Variants in TSPAN14 observed in about 807,000 individuals in gnomAD.
TSPAN14 encodes tetraspanin-14.
In TSPAN14, 16 loss-of-function variants were observed where a neutral mutation model predicts 36.6. That is an observed-to-expected ratio of 0.44 (90% CI 0.30 to 0.66). The LOEUF is 0.66. Ranked by LOEUF, TSPAN14 falls within the 30% of genes least tolerant of loss-of-function variation. The probability of loss-of-function intolerance (pLI) is 0.12; values close to 1 mark genes in which losing one functional copy is unlikely to be tolerated. For synonymous variants in TSPAN14, 139 were observed against 143.8 expected (o/e 0.97, Z 0.24); for missense variants, 231 against 355.1 (o/e 0.65, Z 2.81).
intron 2 of TSPAN14, among the ~76,000 whole-genome samples, chr10:80,492,621 C>T (rs894917084): frequency 3.3e-5 from 5 of 152,136 alleles, no homozygotes; most frequent in African/African-American, 1.2e-4. Flanking sequence ...TCAAGACCAT[C>T]CTGGCTAACA....
rs1840466881 is a variant in TSPAN14, at chr10:80,509,156, G to C, written c.280-145G>C. 1.4e-6 allele frequency: 1 copy of C among 715,106 alleles called. No homozygotes were observed. The highest frequency in any genetic ancestry group is 2.3e-6 in the Non-Finnish European group (1 of 433,434). The allele number at this position is 715,106 out of a possible 1,614,324, so 44.3% of individuals were successfully genotyped here. A position where few individuals can be genotyped will look rare whatever the true frequency, so the allele number is the denominator to read the frequency against. On this transcript the variant is annotated intron_variant, in intron 4 of 8. Transcript: ENST00000429989. This position sits in a 1 kb window ranked among gnomAD's most constrained non-coding sequence, Gnocchi z 4.7. ...GAGTCACCCAGCTAACTCTAAGTGTGGGGTTCTGGGGCCCCGATGTGGGAC... is the reference window on the plus strand; with the variant it reads ...GAGTCACCCAGCTAACTCTAAGTGTCGGGTTCTGGGGCCCCGATGTGGGAC...
At chr10:80,478,186 A>G (rs1847032959) in intron 1 of TSPAN14, among the ~76,000 whole-genome samples, 1 of 152,272 alleles carries the variant, frequency 6.6e-6, no homozygotes. Context: ...AAATAAGAAC[A>G]GGATACAATA....
intron 1 of TSPAN14, among the ~76,000 whole-genome samples, chr10:80,470,461 A>G (rs1846482009): frequency 6.6e-6 from 1 of 152,252 alleles, no homozygotes; most frequent in Non-Finnish European, 1.5e-5. Flanking sequence ...AGTATATTCT[A>G]GCTGACTGTG....
At chr10:80,511,772 C>T (rs1840663847) in intron 5 of TSPAN14, among the ~76,000 whole-genome samples, 1 of 123,802 alleles carries the variant, frequency 8.1e-6, no homozygotes, top group Admixed American at 9.0e-5. Flanking sequence ...CTCTCTCTCT[C>T]CCCTTTTTTC....
At chr10:80,462,563 G>A (rs1846036029) in intron 1 of TSPAN14, among the ~76,000 whole-genome samples, 1 of 152,186 alleles carries the variant, frequency 6.6e-6, no homozygotes, top group Non-Finnish European at 1.5e-5. Context: ...TCACTTGGAG[G>A]AAGTATATCA....
At chr10:80,474,022 C>T (rs1846713010) in intron 1 of TSPAN14, among the ~76,000 whole-genome samples, 1 of 152,118 alleles carries the variant, frequency 6.6e-6, no homozygotes, top group South Asian at 2.1e-4. Context: ...CTGGGCCTGC[C>T]TGTTCCTTTG....
chr10:80,486,947 TG>T (rs1847636318), intron 1 of TSPAN14, among the ~76,000 whole-genome samples: 1 of 151,974 alleles, frequency 6.6e-6, no homozygotes, highest in African/African-American at 2.4e-5. Context: ...ATTGGCTGGG[TG>T]TGGTGGCTCA....
intron 1 of TSPAN14, among the ~76,000 whole-genome samples, chr10:80,469,796 C>A (rs1269398858): frequency 6.6e-6 from 1 of 152,030 alleles, no homozygotes; most frequent in Admixed American, 6.5e-5. Flanking sequence ...ATCTTTTTCC[C>A]CCAGGCTGGG....
At chr10:80,468,811 C>G (rs942533892) in intron 1 of TSPAN14, 1 of 150,136 alleles carries the variant, frequency 6.7e-6, no homozygotes. Flanking sequence ...TGGGTTCAAG[C>G]GATCTGCCAA....
rs1342891238 is a variant in TSPAN14, at chr10:80,520,353, A to G, written c.*2377A>G. The G allele has an allele frequency of 8.2e-6, 3 of 366,386 alleles. No homozygotes were observed. The East Asian group carries it at 2.1e-4, about 25-fold the overall frequency. The allele number at this position is 366,386 out of a possible 1,614,324, so 22.7% of individuals were successfully genotyped here. The stretch of plus-strand genomic sequence containing the variant: ...GTGACTCTGAATAGTTGGATGAGGA[A>G]TGGAAAGAAAGCAAGGATGAGAGCC... On this transcript the variant is annotated 3_prime_UTR_variant, in exon 9 of 9. Coordinates refer to ENST00000429989, the Ensembl canonical transcript of TSPAN14.
At chr10:80,516,459 A>C in intron 8 of TSPAN14, 136 bp downstream of exon 8, 1 of 1,300,882 alleles carries the variant, frequency 7.7e-7, no homozygotes, top group Middle Eastern at 2.7e-4. Context: ...ATTCAACTGG[A>C]TGTCCAAGGC....
intron 2 of TSPAN14, among the ~76,000 whole-genome samples, chr10:80,494,566 T>C (rs1242684037): frequency 1.3e-5 from 2 of 152,184 alleles, no homozygotes; most frequent in Non-Finnish European, 2.9e-5. Context: ...CTCTGACTTT[T>C]ATTATGCTCC....
chr10:80,496,145 C>T (rs1246839765), intron 2 of TSPAN14, among the ~76,000 whole-genome samples: 1 of 152,104 alleles, frequency 6.6e-6, no homozygotes, highest in Non-Finnish European at 1.5e-5. Flanking sequence ...GTGTATAGTT[C>T]ATTGGCGTTA....
chr10:80,488,729 G>A (rs973226859), intron 1 of TSPAN14, among the ~76,000 whole-genome samples: 7 of 152,152 alleles, frequency 4.6e-5, no homozygotes, highest in Non-Finnish European at 5.9e-5. Context: ...CCCAAACATG[G>A]CTCTTTGTGG....
At chr10:80,506,246 T>G (rs1456266204) in intron 3 of TSPAN14, among the ~76,000 whole-genome samples, 6 of 152,212 alleles carry the variant, frequency 3.9e-5, no homozygotes, top group Non-Finnish European at 8.8e-5. Flanking sequence ...GTGCTGGGAT[T>G]ACAGACGTGA....
chr10:80,521,478 G>C (rs137991811), exon 9 of TSPAN14: 2 of 152,452 alleles, frequency 1.3e-5, no homozygotes, highest in African/African-American at 4.8e-5. Flanking sequence ...ACAGAACCAC[G>C]GTTTTTAGGT....
At chr10:80,520,397 G>T in exon 9 of TSPAN14, 1 of 402,916 alleles carries the variant, frequency 2.5e-6, no homozygotes, top group South Asian at 1.9e-5. Context: ...GGCAGTCTCC[G>T]CCCAGCATCG....
exon 9 of TSPAN14, chr10:80,521,686 G>C (rs1057418924): frequency 6.6e-6 from 1 of 152,112 alleles, no homozygotes; most frequent in Non-Finnish European, 1.5e-5. Context: ...GCAAGGCTTG[G>C]CCAATTCCTG....
rs139376655 is a variant in TSPAN14 at position 80,493,199 on chromosome 10, A to G, written c.81+3885A>G. Among the ~76,000 whole-genome samples the G allele has an allele frequency of 3.6e-3, 553 of 152,352 alleles. 2 individuals carry two copies. Among genetic ancestry groups the G allele is most frequent in the African/African-American group, 0.013 (525 of 41,574 alleles). Reference sequence around the variant, plus strand: ...TTAGGAAATGCAAATCAAAACCACAATGAGATACCACTTCACACCCATTGG... The same window carrying G: ...TTAGGAAATGCAAATCAAAACCACAGTGAGATACCACTTCACACCCATTGG... On this transcript the variant is annotated intron_variant, in intron 2 of 8. Transcript: ENST00000429989.
Sources: gnomAD v4.1 joint callset for allele counts (sites outside exome capture counted in the v4.1 genomes callset) on GRCh38, gnomAD v4.1.1 for gene constraint, Gnocchi (gnomAD v3.1) non-coding constraint, MANE v1.5 for transcripts, NCBI Gene and HGNC (gene_info 2026-07-23, HGNC 2026-07-21) for gene names.